The following EXOC4 variants were observed in gnomAD, a reference collection of about 807,000 sequenced individuals.
EXOC4 encodes the protein exocyst complex component 4.
EXOC4 carries 71 observed loss-of-function variants against 107.2 expected under a neutral mutation model. The observed-to-expected ratio is 0.66, with a 90% CI of 0.55 to 0.81. EXOC4 has a LOEUF of 0.81. Ranked by LOEUF, EXOC4 falls within the 30% of genes least tolerant of loss-of-function variation. The pLI is 0.00. For missense variants in EXOC4, 1,108 were observed against 1,189.6 expected, an observed-to-expected ratio of 0.93 and a Z score of 1.01; for synonymous variants, 456 against 441.2, an observed-to-expected ratio of 1.03 and a Z score of -0.42.
At chr7:133,421,108 G>A (rs372988647) in intron 7 of EXOC4, among the ~76,000 whole-genome samples, 2 of 151,950 alleles carry the variant, frequency 1.3e-5, no homozygotes, top group Admixed American at 1.3e-4. Flanking sequence ...TCTTTTATAT[G>A]TTAAGTTCTG....
At position 133,769,198 on chromosome 7, in the gene EXOC4, C is replaced by T. The variant is rs142464044; in HGVS notation, c.1515-48127C>T. Among the ~76,000 whole-genome samples the T allele has an allele frequency of 4.2e-3, 645 of 152,048 alleles. 2 individuals are homozygous for T. Among genetic ancestry groups the T allele is most frequent in the African/African-American group, 0.015 (619 of 41,494 alleles). ...ATAAGTTGGTTTCCACCATGGCACACGTATGCCTGTGTAACAAACCCACAC... is the reference window on the plus strand; with the variant it reads ...ATAAGTTGGTTTCCACCATGGCACATGTATGCCTGTGTAACAAACCCACAC... On this transcript the variant is annotated intron_variant, in intron 10 of 17. Coordinates refer to ENST00000253861, the MANE Select transcript of EXOC4 (RefSeq NM_021807.4).
chr7:134,080,065 G>A, the EXOC4 span, among the ~76,000 whole-genome samples: 1 of 152,052 alleles, frequency 6.6e-6, no homozygotes, highest in Non-Finnish European at 1.5e-5. Flanking sequence ...TGCAGCCCCT[G>A]ACTTAGTTCA....
intron 10 of EXOC4, among the ~76,000 whole-genome samples, chr7:133,750,027 C>T (rs1039650000): frequency 4.9e-5 from 7 of 142,216 alleles, no homozygotes; most frequent in Non-Finnish European, 9.0e-5. Context: ...GCAGATAAGC[C>T]ACTGAGACCA....
intron 7 of EXOC4, among the ~76,000 whole-genome samples, chr7:133,419,352 C>A (rs1797550664): frequency 6.6e-6 from 1 of 152,092 alleles, no homozygotes; most frequent in Admixed American, 6.5e-5. Context: ...TTTACAGATG[C>A]AGTGAAGGAA....
chr7:133,664,348 C>T (rs1198001356), intron 10 of EXOC4, among the ~76,000 whole-genome samples: 2 of 152,062 alleles, frequency 1.3e-5, no homozygotes, highest in Non-Finnish European at 2.9e-5. Flanking sequence ...AGTAGGCCCT[C>T]AATTAATGTT....
At chr7:133,604,952 T>A (rs540939156) in intron 9 of EXOC4, among the ~76,000 whole-genome samples, 36 of 152,006 alleles carry the variant, frequency 2.4e-4, no homozygotes, top group Middle Eastern at 3.4e-3. Context: ...CAAGAACTCC[T>A]GACCTCAGGT....
In EXOC4 at chr7:133,557,429, T is replaced by C. The variant is rs1039958360; in HGVS notation, c.1418-72616T>C. Among the ~76,000 whole-genome samples, 3 of 152,242 alleles carry C rather than the reference T, an allele frequency of 2.0e-5. 1 individual carries two copies. On this transcript the variant is annotated intron_variant, in intron 9 of 17. Transcript: ENST00000253861. Reference sequence around the variant, plus strand: ...TGCCAGTTAAATGGTATATGCCATATGCATTCTGTTAATGGCCTAGGGATT... The same window carrying C: ...TGCCAGTTAAATGGTATATGCCATACGCATTCTGTTAATGGCCTAGGGATT...
At chr7:133,786,422 T>A (rs1369429686) in intron 10 of EXOC4, among the ~76,000 whole-genome samples, 1 of 152,226 alleles carries the variant, frequency 6.6e-6, no homozygotes, top group Non-Finnish European at 1.5e-5. Context: ...CTGTGGATCC[T>A]TCTCTGAGAA....
rs564791477 is a variant in EXOC4 at position 133,648,430 on chromosome 7, T to C, written c.1514+18289T>C. Among the ~76,000 whole-genome samples, 3 of 152,342 alleles carry C rather than the reference T, an allele frequency of 2.0e-5. No individual in the cohort carries two copies. In the East Asian group the frequency reaches 5.8e-4, roughly 29 times the overall value. On this transcript the variant is annotated intron_variant, in intron 10 of 17. Coordinates refer to ENST00000253861, the MANE Select transcript of EXOC4 (RefSeq NM_021807.4). ...TCAAATGACTTCTGCCTTTGTAGAA[T>C]CATCATCTTTTTTCCATGAGATATG...
chr7:134,011,615 C>G (rs1794765172), intron 17 of EXOC4, among the ~76,000 whole-genome samples: 1 of 152,048 alleles, frequency 6.6e-6, no homozygotes, highest in African/African-American at 2.4e-5. Flanking sequence ...AAGACAGATT[C>G]CTCGCCCGGT....
intron 14 of EXOC4, among the ~76,000 whole-genome samples, chr7:133,954,559 G>A (rs545523440): frequency 1.9e-4 from 29 of 152,154 alleles, no homozygotes; most frequent in East Asian, 5.8e-4. Flanking sequence ...AATATTTTTC[G>A]CTGTTGGAAT....
intron 11 of EXOC4, among the ~76,000 whole-genome samples, chr7:133,876,353 A>G (rs1443886065): frequency 6.6e-6 from 1 of 151,908 alleles, no homozygotes; most frequent in Non-Finnish European, 1.5e-5. Context: ...GGACATCATT[A>G]CCTCGAGTGA....
At chr7:133,337,403 C>CT (rs1217812436) in intron 5 of EXOC4, among the ~76,000 whole-genome samples, 1 of 152,150 alleles carries the variant, frequency 6.6e-6, no homozygotes, top group Admixed American at 6.5e-5. Context: ...AACATTTTCA[C>CT]TTTTTTTCTT....
chr7:133,438,673 A>G (rs1303809452), intron 7 of EXOC4, among the ~76,000 whole-genome samples: 1 of 152,224 alleles, frequency 6.6e-6, no homozygotes, highest in Non-Finnish European at 1.5e-5. Flanking sequence ...GAGGCAGTCC[A>G]CTATGACTAC....
intron 11 of EXOC4, among the ~76,000 whole-genome samples, chr7:133,830,427 T>TTTC (rs1797785239): frequency 2.0e-5 from 3 of 152,366 alleles, no homozygotes; most frequent in Non-Finnish European, 4.4e-5. Context: ...CCTTTCAAAA[T>TTTC]GTTGCTTTAG....
At chr7:133,511,978 T>C (rs1013665804) in intron 9 of EXOC4, among the ~76,000 whole-genome samples, 3 of 152,214 alleles carry the variant, frequency 2.0e-5, no homozygotes, top group African/African-American at 2.4e-5. Context: ...ATTCTTACTT[T>C]TCTCCTCCTG....
chr7:133,393,232 C>T (rs1026239880), intron 7 of EXOC4, among the ~76,000 whole-genome samples: 1 of 152,018 alleles, frequency 6.6e-6, no homozygotes, highest in African/African-American at 2.4e-5. Context: ...TTATATTTTT[C>T]TTCCTCTACT....
chr7:134,088,162 T>G, the EXOC4 span, among the ~76,000 whole-genome samples: 1 of 152,302 alleles, frequency 6.6e-6, no homozygotes. Flanking sequence ...CAAGGCCAGT[T>G]TTCCCAAGGG....
At chr7:133,905,795 A>C (rs1355972999) in intron 12 of EXOC4, among the ~76,000 whole-genome samples, 2 of 152,074 alleles carry the variant, frequency 1.3e-5, no homozygotes, top group Non-Finnish European at 2.9e-5. Context: ...TCACAACTTC[A>C]GAGAGGAGCT....
Sources: allele counts gnomAD v4.1 joint callset (sites outside exome capture counted in the v4.1 genomes callset), GRCh38; gene constraint gnomAD v4.1.1; transcripts MANE v1.5; gene names NCBI Gene and HGNC (gene_info 2026-07-23, HGNC 2026-07-21).